SHOC2: variants seen among roughly 807,000 people sequenced by gnomAD.
SHOC2 encodes the protein SHOC2 leucine rich repeat scaffold protein, also known as leucine-rich repeat protein SHOC-2.
A neutral mutation model predicts 50.2 loss-of-function variants in SHOC2; 4 were observed. The ratio of observed to expected loss-of-function variants is 0.08; its 90% CI spans 0.04 to 0.18. The LOEUF (loss-of-function observed/expected upper bound fraction) is 0.18, where lower values mean the gene tolerates loss of function less well. Among genes scored for constraint, SHOC2 ranks in the 10% least tolerant of loss-of-function variants. The pLI is 1.00. For missense variants in SHOC2, 388 were observed against 669.6 expected (o/e 0.58, Z 4.64); for synonymous variants, 218 against 244.5 (o/e 0.89, Z 1.01).
chr10:110,940,315 T>C (rs901610057), intron 1 of SHOC2, among the ~76,000 whole-genome samples: 1 of 152,196 alleles, frequency 6.6e-6, no homozygotes, highest in Non-Finnish European at 1.5e-5. Context: ...GTGTATGTTC[T>C]TCTATTTCTT....
At chr10:110,940,184 G>A (rs768857996) in intron 1 of SHOC2, among the ~76,000 whole-genome samples, 3 of 152,180 alleles carry the variant, frequency 2.0e-5, no homozygotes, top group Non-Finnish European at 4.4e-5. Flanking sequence ...TGGATTTTGT[G>A]TATTTTGTTG....
At chr10:110,992,805 G>T (rs752169084) in intron 3 of SHOC2, among the ~76,000 whole-genome samples, 38 of 152,148 alleles carry the variant, frequency 2.5e-4, no homozygotes, top group Admixed American at 3.9e-4. Context: ...GAATTTCTGT[G>T]TTGCTTACTT....
chr10:110,960,751 C>T (rs1847554934), intron 1 of SHOC2, among the ~76,000 whole-genome samples: 2 of 152,234 alleles, frequency 1.3e-5, no homozygotes, highest in South Asian at 2.1e-4. Flanking sequence ...TCTCAGCTCA[C>T]TGCAACCACT....
chr10:110,989,038 T>C, intron 3 of SHOC2: 1 of 504,498 alleles, frequency 2.0e-6, no homozygotes, highest in East Asian at 5.6e-5. Flanking sequence ...TCCCAAAAGC[T>C]TGACAATTTT....
rs1335250705 is a variant in SHOC2 at position 110,967,551 on chromosome 10, A to G, written c.703+2490A>G. On this transcript the variant is annotated intron_variant, in intron 2 of 8. Coordinates refer to ENST00000369452, the MANE Select transcript of SHOC2 (RefSeq NM_007373.4). ...TTTTTAGAATATTCAGATTTATGTA[A>G]CCATCAGAGATAATGTTAGAACATT... Among the ~76,000 whole-genome samples the G allele has an allele frequency of 3.3e-5, 5 of 152,344 alleles. No homozygotes were observed. The East Asian group carries it at 9.6e-4, about 29-fold the overall frequency.
At chr10:110,947,490 A>G (rs973494640) in intron 1 of SHOC2, among the ~76,000 whole-genome samples, 1 of 152,244 alleles carries the variant, frequency 6.6e-6, no homozygotes, top group East Asian at 1.9e-4. Flanking sequence ...AAGGATCTCA[A>G]ATGATCAGGG....
At chr10:110,933,964 T>G (rs1045190155) in intron 1 of SHOC2, among the ~76,000 whole-genome samples, 4 of 152,220 alleles carry the variant, frequency 2.6e-5, no homozygotes, top group African/African-American at 7.2e-5. Flanking sequence ...AAGCACGATG[T>G]AGCTATTAGC....
chr10:110,937,059 G>A (rs767918734), intron 1 of SHOC2: 7 of 1,487,658 alleles, frequency 4.7e-6, no homozygotes, highest in Non-Finnish European at 6.6e-6. Context: ...ATCCGCTTGC[G>A]GAGGAAAGCC....
At chr10:110,931,959 A>G (rs944469832) in intron 1 of SHOC2, among the ~76,000 whole-genome samples, 4 of 152,210 alleles carry the variant, frequency 2.6e-5, no homozygotes, top group Non-Finnish European at 4.4e-5. Context: ...TAATAGCATG[A>G]TAAGTGTTCT....
intron 5 of SHOC2, 60 bp downstream of exon 5, chr10:111,004,854 T>C: frequency 8.5e-7 from 1 of 1,176,900 alleles, no homozygotes; most frequent in East Asian, 2.4e-5. Context: ...TCCACTAATA[T>C]TTATGTTTTC....
intron 2 of SHOC2, among the ~76,000 whole-genome samples, chr10:110,967,060 A>G (rs1448535085): frequency 6.6e-6 from 1 of 151,990 alleles, no homozygotes. Flanking sequence ...TAAAAATAAC[A>G]TCATAATAAT....
intron 3 of SHOC2, among the ~76,000 whole-genome samples, chr10:110,993,987 C>T (rs1342160779): frequency 6.6e-6 from 1 of 152,190 alleles, no homozygotes; most frequent in Non-Finnish European, 1.5e-5. Context: ...ATTCTCCCCT[C>T]TTATGGCAGA....
At chr10:110,981,179 C>A (rs772457272) in intron 2 of SHOC2, among the ~76,000 whole-genome samples, 11 of 152,152 alleles carry the variant, frequency 7.2e-5, no homozygotes, top group Non-Finnish European at 1.6e-4. Flanking sequence ...AGTGAAGGAC[C>A]TATTTGGAGC....
At chr10:110,928,750 C>T (rs896326903) in intron 1 of SHOC2, among the ~76,000 whole-genome samples, 4 of 152,000 alleles carry the variant, frequency 2.6e-5, no homozygotes, top group Non-Finnish European at 5.9e-5. Flanking sequence ...CAAAAATTAA[C>T]AGGGTGTGGT....
intron 3 of SHOC2, among the ~76,000 whole-genome samples, chr10:110,996,238 A>G (rs576481867): frequency 5.9e-5 from 9 of 152,250 alleles, no homozygotes; most frequent in Admixed American, 5.2e-4. Flanking sequence ...TTTTAGTATA[A>G]ATGTTTTTGG....
At chr10:110,975,131 C>A (rs765740714) in intron 2 of SHOC2, among the ~76,000 whole-genome samples, 4 of 151,654 alleles carry the variant, frequency 2.6e-5, no homozygotes, top group Non-Finnish European at 4.4e-5. Flanking sequence ...CACTAACGTC[C>A]ATTTTCTGTT....
At chr10:110,945,797 A>G (rs985026539) in intron 1 of SHOC2, among the ~76,000 whole-genome samples, 7 of 152,004 alleles carry the variant, frequency 4.6e-5, no homozygotes, top group Non-Finnish European at 7.4e-5. Flanking sequence ...TTAACCATCA[A>G]TCAAGCCTAT....
In SHOC2 at chr10:111,011,922, A is replaced by G. The variant is rs1042167767; in HGVS notation, c.*104A>G. 1.1e-5 allele frequency: 10 copies of G among 938,840 alleles called. No homozygotes were observed. The highest frequency in any genetic ancestry group is 1.7e-5 in the Non-Finnish European group (10 of 597,864). The allele number at this position is 938,840 out of a possible 1,614,324, so 58.2% of individuals were successfully genotyped here. Reference sequence around the variant, plus strand: ...GTAGATATTGGTATATGGCAGATTTATAAAAATTGCATTATGTGTTTCTGC... The same window carrying G: ...GTAGATATTGGTATATGGCAGATTTGTAAAAATTGCATTATGTGTTTCTGC... On this transcript the variant is annotated 3_prime_UTR_variant, in exon 9 of 9. Transcript: ENST00000369452.
At chr10:110,956,282 C>T (rs1012150858) in intron 1 of SHOC2, among the ~76,000 whole-genome samples, 9 of 152,008 alleles carry the variant, frequency 5.9e-5, no homozygotes, top group East Asian at 5.8e-4. Flanking sequence ...GCTGGAGTCT[C>T]GGCTCACTGC....
Sources: gnomAD v4.1 joint callset for allele counts (sites outside exome capture counted in the v4.1 genomes callset) on GRCh38, gnomAD v4.1.1 for gene constraint, MANE v1.5 for transcripts, NCBI Gene and HGNC (gene_info 2026-07-23, HGNC 2026-07-21) for gene names.